Variants in GSR observed in about 807,000 individuals in gnomAD.
GSR encodes the protein glutathione-disulfide reductase.
A neutral mutation model predicts 56.5 loss-of-function variants in GSR; 48 were observed. The observed-to-expected ratio is 0.85, with a 90% confidence interval of 0.67 to 1.08. GSR has a LOEUF of 1.08. Ranked by LOEUF, GSR falls within the 50% of genes least tolerant of loss-of-function variation. GSR has a pLI of 0.00. For missense variants in GSR, 694 were observed against 703.3 expected, an observed-to-expected ratio of 0.99 and a Z score of 0.15; for synonymous variants, 264 against 270.8, an observed-to-expected ratio of 0.97 and a Z score of 0.25.
chr8:30,715,233 C>T (rs1357756089), intron 1 of GSR, among the ~76,000 whole-genome samples: 2 of 152,004 alleles, frequency 1.3e-5, no homozygotes, highest in Non-Finnish European at 2.9e-5. Context: ...TTGAAGGCTA[C>T]AATAAGCTCT....
chr8:30,708,026 A>G (rs776645494), intron 4 of GSR, 46 bp downstream of exon 4: 10 of 1,209,464 alleles, frequency 8.3e-6, no homozygotes, highest in Non-Finnish European at 1.2e-5. Flanking sequence ...TGAGTACTCA[A>G]GAAGGGAACA....
intron 8 of GSR, among the ~76,000 whole-genome samples, chr8:30,689,552 T>C (rs1410663119): frequency 1.3e-5 from 2 of 152,092 alleles, no homozygotes; most frequent in Non-Finnish European, 2.9e-5. Context: ...GCTGGGAATG[T>C]CAGCTCATGA....
At chr8:30,684,244 TAAA>T (rs778851263) in intron 9 of GSR, 45 bp from the exon 10 acceptor site, 1 of 1,060,622 alleles carries the variant, frequency 9.4e-7, no homozygotes, top group Admixed American at 1.7e-5. Flanking sequence ...GCCCACCTAC[TAAA>T]AAAGGTAGAT....
rs60532553 is a variant in GSR, at chr8:30,710,714, C to CAAAAAA, written c.334-818_334-813dup. On this transcript the variant is annotated intron_variant, in intron 2 of 12. Coordinates refer to ENST00000221130, the MANE Select transcript of GSR (RefSeq NM_000637.5). ...CCTGGGCAAGAGTGAGACTCTGTCT[C>CAAAAAA]AAAAAAAAAAAAAAAAAAAAAAAAA... 2.4e-3 allele frequency among the ~76,000 whole-genome samples: 122 copies of CAAAAAA among 51,028 alleles called. 5 individuals carry two copies. The highest frequency in any genetic ancestry group is 7.8e-3 in the African/African-American group (118 of 15,202). The allele number at this position is 51,028 out of a possible 152,430, so 33.5% of individuals were successfully genotyped here. A position where few individuals can be genotyped will look rare whatever the true frequency, so the allele number is the denominator to read the frequency against.
chr8:30,683,078 G>A (rs1425675485), intron 10 of GSR, among the ~76,000 whole-genome samples: 2 of 151,516 alleles, frequency 1.3e-5, no homozygotes, highest in African/African-American at 2.4e-5. Flanking sequence ...TGCCCACCTC[G>A]GCCTCACAAA....
chr8:30,689,126 T>C, intron 9 of GSR, 35 bp downstream of exon 9: 2 of 1,606,754 alleles, frequency 1.2e-6, no homozygotes, highest in Non-Finnish European at 1.7e-6. Context: ...TCCTAGTAGA[T>C]TCACAAATGT....
At chr8:30,685,031 C>T (rs1803113896) in intron 9 of GSR, among the ~76,000 whole-genome samples, 1 of 151,638 alleles carries the variant, frequency 6.6e-6, no homozygotes, top group Non-Finnish European at 1.5e-5. Context: ...GCGATCTAGG[C>T]TCTCTGCAAG....
At position 30,679,500 on chromosome 8, in the gene GSR, C is replaced by T. The variant is rs757538187; in HGVS notation, c.*20G>A. The T allele has an allele frequency of 3.2e-5, 51 of 1,612,124 alleles. No homozygotes were observed. Among genetic ancestry groups the T allele is most frequent in the Non-Finnish European group, 4.1e-5 (48 of 1,178,392 alleles). ...GAAGATCTATGGGTCCCACTGCCCG[C>T]CACACGTGTCTCCTGGTTCTCAACG... On this transcript the variant is annotated 3_prime_UTR_variant, in exon 13 of 13. Transcript: ENST00000221130.
rs925167587 is a variant in GSR at position 30,727,824 on chromosome 8, C to T, written c.12G>A (p.Leu4=). ...CCGCGCCGGCGCTCAGGGCTCGGGG[C>T]AGCAGGGCCATGCACGCGGAAGTGG... MAL[L]PRALSAGAGP... is the part of the protein sequence containing the mutation. The change falls in exon 1 of 13, where the codon CTG becomes CTA. Residue 4 remains leucine, a synonymous_variant. Coordinates refer to ENST00000221130, the MANE Select transcript of GSR (RefSeq NM_000637.5). 8.0e-6 allele frequency: 10 copies of T among 1,245,122 alleles called. No homozygotes were observed. Among genetic ancestry groups the T allele is most frequent in the African/African-American group, 6.3e-5 (4 of 63,304 alleles). 77.1% of individuals were successfully genotyped at this position (1,245,122 alleles called of 1,614,324 possible).
rs1165332820 is a variant in GSR, at chr8:30,679,623, T to C, written c.1466A>G (p.Gln489Arg). The part of the protein sequence containing the change: ...MQGLGCDEML[Q>R]GFAVAVKMGA... Reference sequence around the variant, plus strand: ...CATCTTCACTGCAACAGCAAAACCCTGCAGCATTTCATCACACCCAAGTCC... The same window carrying C: ...CATCTTCACTGCAACAGCAAAACCCCGCAGCATTTCATCACACCCAAGTCC... The change falls in exon 13 of 13, where the codon CAG (glutamine) becomes CGG (arginine). Residue 489 changes from glutamine to arginine, a missense_variant. Physicochemically the swap from Gln to Arg is conservative, Grantham distance 43. Coordinates refer to ENST00000221130, the MANE Select transcript of GSR (RefSeq NM_000637.5). 1.9e-6 allele frequency: 3 copies of C among 1,613,908 alleles called. No homozygotes were observed. Among genetic ancestry groups the C allele is most frequent in the East Asian group, 2.2e-5 (1 of 44,878 alleles).
intron 10 of GSR, 110 bp from the exon 11 acceptor site, chr8:30,682,171 T>A: frequency 2.2e-6 from 2 of 891,680 alleles, no homozygotes. Context: ...TCTGACAGTT[T>A]CACACCATTG....
chr8:30,713,804 C>T (rs1449074903), intron 1 of GSR, among the ~76,000 whole-genome samples: 1 of 152,226 alleles, frequency 6.6e-6, no homozygotes, highest in Non-Finnish European at 1.5e-5. Flanking sequence ...TCTACTTTTA[C>T]AGTAACCTAG....
At chr8:30,701,770 G>A (rs1442732279) in intron 5 of GSR, among the ~76,000 whole-genome samples, 2 of 140,994 alleles carry the variant, frequency 1.4e-5, no homozygotes, top group African/African-American at 2.7e-5. Context: ...TCCAGCCTGG[G>A]TGGCAGAGCA....
Position 30,712,046 on chromosome 8 carries a change from G to T in GSR, c.333+16C>A. Reference sequence around the variant, plus strand: ...AGAAAAAGGATTGTAAAGGGAAAGAGAAATAAAAATTCTACCTTTTTGGGT... The same window carrying T: ...AGAAAAAGGATTGTAAAGGGAAAGATAAATAAAAATTCTACCTTTTTGGGT... On this transcript the variant is annotated intron_variant, in intron 2 of 12. Coordinates refer to ENST00000221130, the MANE Select transcript of GSR (RefSeq NM_000637.5). 2 of 1,270,464 alleles carry T rather than the reference G, an allele frequency of 1.6e-6. No homozygotes were observed. The highest frequency in any genetic ancestry group is 2.3e-6 in the Non-Finnish European group (2 of 876,600). 78.7% of individuals were successfully genotyped at this position (1,270,464 alleles called of 1,614,324 possible). A position where few individuals can be genotyped will look rare whatever the true frequency, so the allele number is the denominator to read the frequency against.
chr8:30,682,669 T>A (rs1035734948), intron 10 of GSR, among the ~76,000 whole-genome samples: 2 of 152,162 alleles, frequency 1.3e-5, no homozygotes, highest in Non-Finnish European at 2.9e-5. Context: ...TGGCAGTTAA[T>A]CTACTTAATG....
At chr8:30,721,151 GAAGA>G (rs10584054) in intron 1 of GSR, among the ~76,000 whole-genome samples, 116,112 of 151,588 alleles carry the variant, frequency 0.77, 48,957 homozygotes, top group Non-Finnish European at 0.94. Context: ...CCGGGGAGAA[GAAGA>G]AAGAGTTTTG....
intron 2 of GSR, 113 bp downstream of exon 2, chr8:30,711,949 G>A: frequency 2.9e-6 from 2 of 681,546 alleles, no homozygotes; most frequent in Non-Finnish European, 5.3e-6. Context: ...AGGGTCTAGG[G>A]GTTTTTTTTG....
At chr8:30,683,455 C>A (rs1281730565) in intron 10 of GSR, among the ~76,000 whole-genome samples, 3 of 151,912 alleles carry the variant, frequency 2.0e-5, no homozygotes, top group Non-Finnish European at 4.4e-5. Context: ...TGTGGGATGC[C>A]GGAGAGAAGG....
intron 1 of GSR, among the ~76,000 whole-genome samples, chr8:30,721,577 T>C (rs2739012): frequency 0.88 from 132,955 of 151,536 alleles, 58,906 homozygotes; most frequent in Non-Finnish European, 0.94. Context: ...CACTTGAACT[T>C]GGGAGGTGGA....
Sources: gnomAD v4.1 joint callset for allele counts (sites outside exome capture counted in the v4.1 genomes callset) on GRCh38, gnomAD v4.1.1 for gene constraint, MANE v1.5 for transcripts, NCBI Gene and HGNC (gene_info 2026-07-23, HGNC 2026-07-21) for gene names.